ELP4: variants seen among roughly 807,000 people sequenced by gnomAD.
ELP4 encodes the protein elongator complex protein 4.
Under a neutral mutation model 48.9 loss-of-function variants are expected in ELP4, and 51 were observed. That is an observed-to-expected ratio of 1.04 (90% CI 0.83 to 1.32). The LOEUF (loss-of-function observed/expected upper bound fraction) is 1.32, where lower values mean the gene tolerates loss of function less well. Among genes scored for constraint, ELP4 ranks in the 40% most tolerant of loss-of-function variants. The pLI, the probability that ELP4 is intolerant of heterozygous loss-of-function variation, is 0.00. For synonymous variants in ELP4, 210 were observed against 189.2 expected, an observed-to-expected ratio of 1.11 and a Z score of -0.90; for missense variants, 519 against 514.6, an observed-to-expected ratio of 1.01 and a Z score of -0.08.
rs77509654 is a variant in ELP4 at position 31,744,882 on chromosome 11, C to T, written c.1144-38511C>T. 1.9e-4 allele frequency among the ~76,000 whole-genome samples: 29 copies of T among 152,280 alleles called. No homozygotes were observed. The East Asian group carries it at 5.6e-3, about 29-fold the overall frequency. On this transcript the variant is annotated intron_variant, in intron 9 of 9. Coordinates refer to ENST00000640961, the MANE Select transcript of ELP4 (RefSeq NM_019040.5). Reference sequence around the variant, plus strand: ...CCTATTCAACATAGTGTTGGAAGTTCTGGCCAGGGCACTCAGGCAGGGGAA... The same window carrying T: ...CCTATTCAACATAGTGTTGGAAGTTTTGGCCAGGGCACTCAGGCAGGGGAA...
At chr11:31,678,539 GTGTATA>G (rs1203849956) in intron 9 of ELP4, among the ~76,000 whole-genome samples, 7 of 75,212 alleles carry the variant, frequency 9.3e-5, no homozygotes, top group African/African-American at 4.6e-4. Flanking sequence ...GTGTGTGTGT[GTGTATA>G]TGTGCATTTT....
chr11:31,606,135 G>A (rs1490332121), intron 5 of ELP4, among the ~76,000 whole-genome samples: 1 of 151,896 alleles, frequency 6.6e-6, no homozygotes, highest in Non-Finnish European at 1.5e-5. Flanking sequence ...AATTATCAAG[G>A]CAGTATTTCA....
At chr11:31,533,521 G>C (rs766075307) in intron 2 of ELP4, among the ~76,000 whole-genome samples, 2 of 151,424 alleles carry the variant, frequency 1.3e-5, no homozygotes, top group Non-Finnish European at 2.9e-5. Flanking sequence ...GGGACTACAT[G>C]CGCCGGCCAT....
At chr11:31,588,363 C>A (rs972913703) in intron 3 of ELP4, among the ~76,000 whole-genome samples, 2 of 152,094 alleles carry the variant, frequency 1.3e-5, no homozygotes, top group Non-Finnish European at 2.9e-5. Flanking sequence ...AAATTGTTCT[C>A]CAAAGTGGTT....
At chr11:31,771,804 C>G (rs1473619538) in intron 9 of ELP4, among the ~76,000 whole-genome samples, 1 of 152,236 alleles carries the variant, frequency 6.6e-6, no homozygotes, top group East Asian at 1.9e-4. Flanking sequence ...ACAGTGAAAC[C>G]CTGTATCTAC....
At chr11:31,747,573 A>C (rs1947624566) in intron 9 of ELP4, among the ~76,000 whole-genome samples, 1 of 152,232 alleles carries the variant, frequency 6.6e-6, no homozygotes, top group Non-Finnish European at 1.5e-5. Context: ...TATAAAATTC[A>C]CTTTGGGCAA....
intron 9 of ELP4, among the ~76,000 whole-genome samples, chr11:31,710,641 A>G (rs1317298552): frequency 1.3e-5 from 2 of 151,848 alleles, no homozygotes; most frequent in Non-Finnish European, 2.9e-5. Flanking sequence ...AAAAAAAAAG[A>G]TATGAAATAA....
At position 31,603,920 on chromosome 11, in the gene ELP4, C is replaced by A. The variant is rs1402399693; in HGVS notation, c.653+13C>A. 6.2e-7 allele frequency: 1 copy of A among 1,600,398 alleles called. No homozygotes were observed. The highest frequency in any genetic ancestry group is 2.2e-5 in the East Asian group (1 of 44,608). On this transcript the variant is annotated intron_variant, in intron 5 of 9. Coordinates refer to ENST00000640961, the MANE Select transcript of ELP4 (RefSeq NM_019040.5). ...AAGTAGAACCCTGGTAAGTTAATGA[C>A]CCATTTAATAACAAAATCTGATTTC... is the stretch of plus-strand genomic sequence containing the variant.
At chr11:31,546,859 A>G (rs1295718518) in intron 3 of ELP4, among the ~76,000 whole-genome samples, 1 of 152,214 alleles carries the variant, frequency 6.6e-6, no homozygotes, top group Non-Finnish European at 1.5e-5. Context: ...CTGTATGGAA[A>G]CTGAACAACC....
At chr11:31,647,893 T>G in intron 8 of ELP4, 44 bp downstream of exon 8, 1 of 1,173,120 alleles carries the variant, frequency 8.5e-7, no homozygotes, top group Non-Finnish European at 1.3e-6. Context: ...GCAGGCTGCT[T>G]CTAGGTTACC....
At chr11:31,618,625 G>C (rs1035657499) in intron 5 of ELP4, among the ~76,000 whole-genome samples, 6 of 152,016 alleles carry the variant, frequency 3.9e-5, no homozygotes, top group African/African-American at 1.4e-4. Flanking sequence ...TCAAACCATA[G>C]TACCCTTCAT....
At chr11:31,672,106 A>G (rs1005722714) in intron 9 of ELP4, among the ~76,000 whole-genome samples, 3 of 152,046 alleles carry the variant, frequency 2.0e-5, no homozygotes, top group African/African-American at 4.8e-5. Context: ...TTCAACCCTG[A>G]TATCTATTAG....
At position 31,751,443 on chromosome 11, in the gene ELP4, G is replaced by A. The variant is rs115333478; in HGVS notation, c.1144-31950G>A. Reference sequence around the variant, plus strand: ...AGAAGGAACCAAAACTTTACTGTCAGACAAGAGATACACAGGAAACACAGT... The same window carrying A: ...AGAAGGAACCAAAACTTTACTGTCAAACAAGAGATACACAGGAAACACAGT... On this transcript the variant is annotated intron_variant, in intron 9 of 9. Transcript: ENST00000640961. Among the ~76,000 whole-genome samples, 931 of 152,194 alleles carry A rather than the reference G, an allele frequency of 6.1e-3. 10 individuals are homozygous for A. Among genetic ancestry groups the A allele is most frequent in the African/African-American group, 0.021 (889 of 41,532 alleles).
chr11:31,549,579 T>C (rs370402201), intron 3 of ELP4, among the ~76,000 whole-genome samples: 27 of 151,694 alleles, frequency 1.8e-4, no homozygotes, highest in South Asian at 4.2e-4. Flanking sequence ...GTCAGTGTGG[T>C]GATTCCTCAG....
chr11:31,727,227 C>G (rs1592257536), intron 9 of ELP4, among the ~76,000 whole-genome samples: 1 of 151,592 alleles, frequency 6.6e-6, no homozygotes. Context: ...AAAGCTGTGT[C>G]TCATTTGTTA....
At chr11:31,602,123 G>C (rs1957794874) in intron 4 of ELP4, among the ~76,000 whole-genome samples, 1 of 151,994 alleles carries the variant, frequency 6.6e-6, no homozygotes, top group South Asian at 2.1e-4. Flanking sequence ...GGGCAACCTG[G>C]TGTTTTTCTC....
intron 3 of ELP4, among the ~76,000 whole-genome samples, chr11:31,549,838 G>C (rs1054827089): frequency 3.9e-5 from 6 of 152,152 alleles, no homozygotes; most frequent in Non-Finnish European, 7.3e-5. Flanking sequence ...TCCTTTGTAG[G>C]GACATGGATG....
At chr11:31,613,716 C>CTTT (rs570320794) in intron 5 of ELP4, among the ~76,000 whole-genome samples, 5 of 126,350 alleles carry the variant, frequency 4.0e-5, no homozygotes, top group African/African-American at 8.7e-5. Context: ...GAACAAGAGT[C>CTTT]TTTTTTTTTT....
intron 3 of ELP4, among the ~76,000 whole-genome samples, chr11:31,564,090 G>A (rs999295979): frequency 1.3e-5 from 2 of 152,238 alleles, no homozygotes; most frequent in South Asian, 4.1e-4. Flanking sequence ...CACCTCTGGA[G>A]GGTCAATGAC....
Sources: gnomAD v4.1 joint callset for allele counts (sites outside exome capture counted in the v4.1 genomes callset) on GRCh38, gnomAD v4.1.1 for gene constraint, MANE v1.5 for transcripts, NCBI Gene and HGNC (gene_info 2026-07-23, HGNC 2026-07-21) for gene names.